Variants in RABGAP1 observed in about 807,000 individuals in gnomAD.
The protein encoded by RABGAP1 is RAB GTPase activating protein 1.
Under a neutral mutation model 137.6 loss-of-function variants are expected in RABGAP1, and 23 were observed. That is an observed-to-expected ratio of 0.17 (90% CI 0.12 to 0.24). The LOEUF is 0.24. Among genes scored for constraint, RABGAP1 ranks in the 10% least tolerant of loss-of-function variants. The pLI, the probability that RABGAP1 is intolerant of heterozygous loss-of-function variation, is 1.00. For missense variants in RABGAP1, 906 were observed against 1,275.8 expected (o/e 0.71, Z 4.42); for synonymous variants, 451 against 450.7 (o/e 1.00, Z -0.01).
intron 13 of RABGAP1, chr9:123,034,792 C>G: frequency 6.2e-7 from 1 of 1,613,872 alleles, no homozygotes; most frequent in Non-Finnish European, 8.5e-7. Flanking sequence ...ATATGCTGAC[C>G]TTTTTGTTGG....
At chr9:123,034,930 TGTATCA>T in intron 13 of RABGAP1, 1 of 1,613,218 alleles carries the variant, frequency 6.2e-7, no homozygotes. Flanking sequence ...TTCTCTGGCC[TGTATCA>T]GCATTGATAG....
chr9:123,076,894 TAATATATAAATA>T, intron 19 of RABGAP1, 132 bp downstream of exon 19: 1 of 505,646 alleles, frequency 2.0e-6, no homozygotes, highest in Non-Finnish European at 2.7e-6. Context: ...TTAACATTTA[TAATATATAAATA>T]ATATTAATGA....
At position 123,020,461 on chromosome 9, in the gene RABGAP1, T is replaced by C; in HGVS notation, c.1794+2T>C. On this transcript the variant is annotated splice_donor_variant, in intron 13 of 25. Coordinates refer to ENST00000373647, the MANE Select transcript of RABGAP1 (RefSeq NM_012197.4). LOFTEE classifies it high-confidence loss of function. ...AAATACCGCATTCTTATCACAAAGG[T>C]AAGGGGGTGATAATTCAGCTTCAGC... The C allele has an allele frequency of 6.4e-7, 1 of 1,560,544 alleles. No individual in the cohort carries two copies. The highest frequency in any genetic ancestry group is 8.7e-7 in the Non-Finnish European group (1 of 1,149,464).
chr9:123,002,549 A>C (rs1449145115), intron 10 of RABGAP1, among the ~76,000 whole-genome samples: 1 of 151,626 alleles, frequency 6.6e-6, no homozygotes, highest in Non-Finnish European at 1.5e-5. Context: ...CCTTGGATTC[A>C]AAGACTGCAT....
At chr9:123,035,678 G>A in intron 13 of RABGAP1, 1 of 383,386 alleles carries the variant, frequency 2.6e-6, no homozygotes, top group Non-Finnish European at 4.2e-6. Context: ...GTGTGTGTGT[G>A]TGTGTATTTT....
chr9:123,060,937 A>G (rs1320545759), intron 13 of RABGAP1, among the ~76,000 whole-genome samples: 1 of 152,244 alleles, frequency 6.6e-6, no homozygotes, highest in Non-Finnish European at 1.5e-5. Flanking sequence ...TTCTGAGGGC[A>G]AAGCATGTAT....
intron 1 of RABGAP1, among the ~76,000 whole-genome samples, chr9:122,947,455 T>A (rs1053881690): frequency 2.0e-5 from 3 of 152,226 alleles, no homozygotes; most frequent in Non-Finnish European, 4.4e-5. Flanking sequence ...ATTGTACACT[T>A]CCGTGGCTAA....
In RABGAP1 at chr9:123,010,479, A is replaced by C. The variant is rs776810427; in HGVS notation, c.1500A>C (p.Gly500=). The C allele has an allele frequency of 7.4e-6, 12 of 1,613,998 alleles. No homozygotes were observed. The South Asian group carries it at 1.3e-4, about 18-fold the overall frequency. ...ASPSVRLPQS[G]SQSSVIPSPP... The stretch of plus-strand genomic sequence containing the variant: ...CTTCAGTTCGCCTGCCACAGTCTGG[A>C]TCGCAAAGTTCAGTGATACCTTCTC... Residue 500 remains glycine, a synonymous_variant, in exon 11 of 26, where the codon GGA becomes GGC. Transcript: ENST00000373647.
intron 7 of RABGAP1, 110 bp from the exon 8 acceptor site, chr9:122,996,429 C>A (rs1837025891): frequency 8.7e-7 from 1 of 1,153,846 alleles, no homozygotes; most frequent in African/African-American, 1.6e-5. Context: ...ATTGATAACT[C>A]TAATGTGTTC....
At chr9:123,018,997 CCTGAAATTTTTT>C (rs1411904669) in intron 12 of RABGAP1, among the ~76,000 whole-genome samples, 2 of 152,130 alleles carry the variant, frequency 1.3e-5, no homozygotes, top group Admixed American at 6.5e-5. Context: ...AATTGACTTC[CCTGAAATTTTTT>C]CTGCATCTGT....
At chr9:122,987,826 G>A (rs148551557) in intron 4 of RABGAP1, among the ~76,000 whole-genome samples, 1 of 152,184 alleles carries the variant, frequency 6.6e-6, no homozygotes, top group Non-Finnish European at 1.5e-5. Context: ...AACTTATTGA[G>A]TTTGTCTATT....
At chr9:122,982,599 A>G (rs1484797594) in intron 2 of RABGAP1, among the ~76,000 whole-genome samples, 2 of 152,112 alleles carry the variant, frequency 1.3e-5, no homozygotes, top group Non-Finnish European at 2.9e-5. Flanking sequence ...CCTATATGTT[A>G]TTTCTCCCTA....
chr9:123,019,630 G>A (rs1188227534), intron 12 of RABGAP1, among the ~76,000 whole-genome samples: 2 of 151,836 alleles, frequency 1.3e-5, no homozygotes, highest in African/African-American at 2.4e-5. Flanking sequence ...TCAGTTTGAT[G>A]TAGAGCTAGG....
At chr9:123,088,702 A>C (rs2034945437) in intron 19 of RABGAP1, among the ~76,000 whole-genome samples, 2 of 152,198 alleles carry the variant, frequency 1.3e-5, no homozygotes, top group South Asian at 4.1e-4. Flanking sequence ...AAAAAAAGCC[A>C]GTTGCATCTT....
intron 12 of RABGAP1, among the ~76,000 whole-genome samples, chr9:123,018,336 A>T (rs899993322): frequency 1.3e-5 from 2 of 152,230 alleles, no homozygotes; most frequent in African/African-American, 4.8e-5. Context: ...AGATGAAATT[A>T]TTCTGAAAGT....
chr9:122,997,503 A>G (rs1007517556), intron 9 of RABGAP1, 142 bp downstream of exon 9: 1 of 515,574 alleles, frequency 1.9e-6, no homozygotes, highest in African/African-American at 2.0e-5. Context: ...TCACTTTATT[A>G]TTAAATTTGA....
rs1407356905 is a variant in RABGAP1 at position 123,073,537 on chromosome 9, G to T, written c.1984-15G>T. On this transcript the variant is annotated splice_polypyrimidine_tract_variant and intron_variant, in intron 15 of 25. Coordinates refer to ENST00000373647, the MANE Select transcript of RABGAP1 (RefSeq NM_012197.4). Reference sequence around the variant, plus strand: ...CGCCATCCTCCCTACCCAACAACTTGCCTATCTGTTACAGATGCCTGAAGA... The same window carrying T: ...CGCCATCCTCCCTACCCAACAACTTTCCTATCTGTTACAGATGCCTGAAGA... 26 of 1,605,762 alleles carry T rather than the reference G, an allele frequency of 1.6e-5. No individual in the cohort carries two copies. Among genetic ancestry groups the T allele is most frequent in the Non-Finnish European group, 2.0e-5 (24 of 1,177,012 alleles).
At position 122,990,065 on chromosome 9, in the gene RABGAP1, A is replaced by G. The variant is rs946515318; in HGVS notation, c.775A>G (p.Ile259Val). The G allele has an allele frequency of 1.2e-6, 2 of 1,605,282 alleles. No homozygotes were observed. Among genetic ancestry groups the G allele is most frequent in the African/African-American group, 1.3e-5 (1 of 74,586 alleles). Residue 259 changes from isoleucine to valine, a missense_variant, in exon 6 of 26, where the codon ATA becomes GTA. This residue lies in a region of RABGAP1 where 331 missense variants were observed against 358.3 expected (regional missense o/e 0.92). Coordinates refer to ENST00000373647, the MANE Select transcript of RABGAP1 (RefSeq NM_012197.4). ...ACATGTCTGGTTGTAGGTAAGCCGG[A>G]TACTTTACAGTTTTGCCACTGCCTT... ...RCEIQEAVSR[I>V]LYSFATAFRR...
chr9:122,960,152 C>T (rs755649243), intron 2 of RABGAP1, among the ~76,000 whole-genome samples: 2 of 152,176 alleles, frequency 1.3e-5, no homozygotes, highest in Non-Finnish European at 2.9e-5. Context: ...TAGATGTGCT[C>T]ATTTGCCTGA....
Sources: allele counts gnomAD v4.1 joint callset (sites outside exome capture counted in the v4.1 genomes callset), GRCh38; gene constraint gnomAD v4.1.1; regional missense constraint gnomAD v4.1.1; transcripts MANE v1.5; gene names NCBI Gene and HGNC (gene_info 2026-07-23, HGNC 2026-07-21).